The following IL1R2 variants were observed in gnomAD, a reference collection of about 807,000 sequenced individuals.
IL1R2 encodes the protein interleukin 1 receptor type 2.
A neutral mutation model predicts 39.5 loss-of-function variants in IL1R2; 46 were observed. That is an observed-to-expected ratio of 1.16 (90% CI 0.92 to 1.49). The LOEUF is 1.49. Among genes scored for constraint, IL1R2 ranks in the 40% most tolerant of loss-of-function variants. The probability of loss-of-function intolerance (pLI) is 0.00; values close to 1 mark genes in which losing one functional copy is unlikely to be tolerated. For synonymous variants in IL1R2, 207 were observed against 189.6 expected (o/e 1.09, Z -0.75); for missense variants, 537 against 502.0 (o/e 1.07, Z -0.67).
chr2:102,027,126 A>G (rs561530429), intron 8 of IL1R2, among the ~76,000 whole-genome samples: 1 of 152,284 alleles, frequency 6.6e-6, no homozygotes, highest in African/African-American at 2.4e-5. Context: ...ACAAACACAG[A>G]TCTCAGGACT....
intron 1 of IL1R2, among the ~76,000 whole-genome samples, chr2:101,996,788 C>T (rs1675612235): frequency 6.6e-6 from 1 of 151,404 alleles, no homozygotes; most frequent in Non-Finnish European, 1.5e-5. Context: ...CCAGTATATA[C>T]ACATATATAA....
chr2:102,017,058 A>C (rs3218913), intron 4 of IL1R2, among the ~76,000 whole-genome samples: 1,565 of 152,308 alleles, frequency 0.01, 34 homozygotes, highest in African/African-American at 0.035. Flanking sequence ...ATGTAGAAAA[A>C]AGCTTACATA....
chr2:101,998,140 A>T (rs4851524), intron 1 of IL1R2, among the ~76,000 whole-genome samples: 5,894 of 152,292 alleles, frequency 0.039, 243 homozygotes, highest in African/African-American at 0.1. Flanking sequence ...CATCCTAGAG[A>T]AAGAGGAGTT....
chr2:102,002,000 C>G (rs144379427), intron 1 of IL1R2: 1 of 152,236 alleles, frequency 6.6e-6, no homozygotes, highest in East Asian at 1.9e-4. Flanking sequence ...AGAGATGAGA[C>G]AGTTGCCTAA....
intron 3 of IL1R2, among the ~76,000 whole-genome samples, chr2:102,012,924 C>T (rs1038168598): frequency 6.6e-6 from 1 of 152,150 alleles, no homozygotes; most frequent in East Asian, 1.9e-4. Context: ...GGGCTTATCA[C>T]TTGACTTTTA....
At chr2:102,017,869 C>T (rs758478053) in intron 4 of IL1R2, among the ~76,000 whole-genome samples, 24 of 152,286 alleles carry the variant, frequency 1.6e-4, no homozygotes, top group South Asian at 8.3e-4. Flanking sequence ...CATTGGTCAA[C>T]TCCTGATAGA....
intron 3 of IL1R2, among the ~76,000 whole-genome samples, 191 bp from the exon 4 acceptor site, chr2:102,015,680 G>A (rs1676949325): frequency 6.6e-6 from 1 of 152,166 alleles, no homozygotes; most frequent in South Asian, 2.1e-4. Context: ...TCTATTGAAT[G>A]CTTGTTGTGT....
intron 3 of IL1R2, among the ~76,000 whole-genome samples, chr2:102,015,364 G>A (rs1326444608): frequency 6.6e-6 from 1 of 152,166 alleles, no homozygotes; most frequent in Non-Finnish European, 1.5e-5. Context: ...ATTATGTTAC[G>A]ACACTTGTTG....
chr2:102,013,663 C>T (rs796096687), intron 3 of IL1R2, among the ~76,000 whole-genome samples: 3 of 149,204 alleles, frequency 2.0e-5, no homozygotes, highest in African/African-American at 7.4e-5. Flanking sequence ...ATCTCAGTGG[C>T]TTAAAATAAC....
chr2:102,028,150 G>A (rs1677846087), intron 8 of IL1R2, 76 bp from the exon 9 acceptor site: 1 of 1,241,982 alleles, frequency 8.1e-7, no homozygotes, highest in Non-Finnish European at 1.1e-6. Flanking sequence ...TTCTTATCTT[G>A]TACACCTGCA....
chr2:102,005,952 A>G (rs1407004500), intron 1 of IL1R2, among the ~76,000 whole-genome samples: 1 of 152,204 alleles, frequency 6.6e-6, no homozygotes, highest in African/African-American at 2.4e-5. Flanking sequence ...CAGGCCTTTT[A>G]ACCCCTTTAA....
chr2:102,015,389 G>A (rs952134713), intron 3 of IL1R2, among the ~76,000 whole-genome samples: 6 of 152,138 alleles, frequency 3.9e-5, no homozygotes, highest in Non-Finnish European at 7.4e-5. Flanking sequence ...CCAAGTGTTC[G>A]AAAAGATCAG....
chr2:102,007,765 G>A (rs187655678), intron 1 of IL1R2, among the ~76,000 whole-genome samples: 3 of 152,114 alleles, frequency 2.0e-5, no homozygotes, highest in African/African-American at 7.2e-5. Context: ...GTGTTGCAAG[G>A]GAAAAGAAAT....
intron 8 of IL1R2, among the ~76,000 whole-genome samples, chr2:102,026,921 G>C (rs1165967236): frequency 6.6e-6 from 1 of 152,184 alleles, no homozygotes; most frequent in African/African-American, 2.4e-5. Context: ...GTGATGGCTC[G>C]TGGACAATCT....
chr2:102,007,279 T>A (rs543498878), intron 1 of IL1R2, among the ~76,000 whole-genome samples: 1 of 152,236 alleles, frequency 6.6e-6, no homozygotes, highest in Non-Finnish European at 1.5e-5. Context: ...TACAAGCTAT[T>A]TCTGTTTTGG....
At chr2:102,015,848 CT>C (rs563841433) in intron 3 of IL1R2, 22 bp from the exon 4 acceptor site, 71 of 1,580,592 alleles carry the variant, frequency 4.5e-5, no homozygotes, top group African/African-American at 3.4e-4. Context: ...TGCCATTTAT[CT>C]TTTTTTTCCC....
rs570040319 is a variant in IL1R2 at position 102,019,804 on chromosome 2, G to A, written c.680G>A (p.Arg227His). The change falls in exon 5 of 9, where the codon CGC becomes CAC. Residue 227 changes from arginine to histidine, a missense_variant. By Grantham distance (29) the Arg-to-His change is conservative. Transcript: ENST00000332549. ...QYNITRSIEL[R>H]IKKKKEETIP... ...AACATCACTAGGAGTATTGAGCTAC[G>A]CATCAAGAGTAAGTACTTGCCATTG... is the stretch of plus-strand genomic sequence containing the variant. The A allele has an allele frequency of 4.2e-5, 67 of 1,613,196 alleles. No individual in the cohort carries two copies. The highest frequency in any genetic ancestry group is 1.6e-4 in the Middle Eastern group (1 of 6,080).
chr2:102,000,061 C>A (rs535446236), intron 1 of IL1R2, among the ~76,000 whole-genome samples: 9 of 152,268 alleles, frequency 5.9e-5, no homozygotes, highest in Middle Eastern at 3.4e-3. Flanking sequence ...GTGGAATGGT[C>A]GCTTAGCAGG....
chr2:102,005,891 C>T lies in IL1R2; in HGVS notation c.-61-2624C>T, dbSNP rs562458058. Among the ~76,000 whole-genome samples the T allele has an allele frequency of 4.6e-5, 7 of 152,294 alleles. No homozygotes were observed. The South Asian group carries it at 8.3e-4, about 18-fold the overall frequency. On this transcript the variant is annotated intron_variant, in intron 1 of 8. Coordinates refer to ENST00000332549, the MANE Select transcript of IL1R2 (RefSeq NM_004633.4). The stretch of plus-strand genomic sequence containing the variant: ...CAAAGAGCAAGGGCTTTGGAATCAC[C>T]AGTGCTGGGTTTAAATTTCAACATC...
Sources: gnomAD v4.1 joint callset for allele counts (sites outside exome capture counted in the v4.1 genomes callset) on GRCh38, gnomAD v4.1.1 for gene constraint, MANE v1.5 for transcripts, NCBI Gene and HGNC (gene_info 2026-07-23, HGNC 2026-07-21) for gene names.